The following ZBBX variants were observed in gnomAD, a reference collection of about 807,000 sequenced individuals.
ZBBX encodes the protein zinc finger B-box domain containing, also known as zinc finger B-box domain-containing protein 1.
In ZBBX, 101 loss-of-function variants were observed where a neutral mutation model predicts 108.5. The observed-to-expected ratio is 0.93, with a 90% confidence interval of 0.79 to 1.10. The LOEUF is 1.10. ZBBX is among the 50% of genes least tolerant of loss of function. The pLI is 0.00. For synonymous variants in ZBBX, 356 were observed against 323.4 expected (o/e 1.10, Z -1.08); for missense variants, 1,009 against 941.4 (o/e 1.07, Z -0.94).
the ZBBX span, among the ~76,000 whole-genome samples, chr3:167,179,765 G>C: frequency 6.6e-6 from 1 of 152,194 alleles, no homozygotes; most frequent in African/African-American, 2.4e-5. Context: ...AGACCCATCT[G>C]TGAAGACATT....
At chr3:167,384,080 C>T (rs1393687741), upstream of ZBBX, among the ~76,000 whole-genome samples, 1 of 152,076 alleles carries the variant, frequency 6.6e-6, no homozygotes, top group Non-Finnish European at 1.5e-5. Flanking sequence ...CTTCTCTCCT[C>T]TTAATACCCT....
the ZBBX span, among the ~76,000 whole-genome samples, chr3:167,226,851 TAG>T: frequency 6.6e-6 from 1 of 151,672 alleles, no homozygotes; most frequent in Non-Finnish European, 1.5e-5. Flanking sequence ...GTCAGAAGTT[TAG>T]AGAGTATGTA....
At chr3:167,204,746 G>C in the ZBBX span, among the ~76,000 whole-genome samples, 1 of 151,676 alleles carries the variant, frequency 6.6e-6, no homozygotes, top group Non-Finnish European at 1.5e-5. Context: ...TACTCATTTG[G>C]GTATATACCC....
At position 167,365,875 on chromosome 3, in the gene ZBBX, T is replaced by C. The variant is rs1577099800; in HGVS notation, c.273+11A>G. 4 of 1,583,610 alleles carry C rather than the reference T, an allele frequency of 2.5e-6. No homozygotes were observed. The East Asian group carries it at 9.0e-5, about 36-fold the overall frequency. ...AGCAAAATGCATAAGAATCAAATAG[T>C]ATCTTCTTACCTTAACAACATTTCC... is the stretch of plus-strand genomic sequence containing the variant. On this transcript the variant is annotated intron_variant, in intron 6 of 21. Transcript: ENST00000675490.
At chr3:167,395,215 G>A (rs1748192254) in intron 1 of ZBBX, among the ~76,000 whole-genome samples, 1 of 152,012 alleles carries the variant, frequency 6.6e-6, no homozygotes, top group Non-Finnish European at 1.5e-5. Context: ...AACTAGATGG[G>A]TGTTTCCTTT....
chr3:167,223,366 T>C, the ZBBX span, among the ~76,000 whole-genome samples: 1 of 152,028 alleles, frequency 6.6e-6, no homozygotes, highest in African/African-American at 2.4e-5. Flanking sequence ...GAAAATGTTT[T>C]TGTTTCTTTC....
intron 20 of ZBBX, among the ~76,000 whole-genome samples, chr3:167,271,892 A>G (rs2108475361): frequency 6.6e-6 from 1 of 152,320 alleles, no homozygotes; most frequent in South Asian, 2.1e-4. Context: ...ATAATGTAGT[A>G]AAAGCACTAA....
chr3:167,191,934 T>TATATATATATATAG, the ZBBX span, among the ~76,000 whole-genome samples: 5 of 130,222 alleles, frequency 3.8e-5, no homozygotes, highest in Non-Finnish European at 6.3e-5. Context: ...TATATATATA[T>TATATATATATATAG]AGAGCAAGTT....
At chr3:167,300,702 C>T (rs985954410) in intron 17 of ZBBX, among the ~76,000 whole-genome samples, 2 of 151,416 alleles carry the variant, frequency 1.3e-5, no homozygotes, top group South Asian at 2.1e-4. Context: ...CTCCGCCTCC[C>T]GGGTTCAATC....
At chr3:167,195,693 G>A in the ZBBX span, among the ~76,000 whole-genome samples, 1 of 152,140 alleles carries the variant, frequency 6.6e-6, no homozygotes, top group Non-Finnish European at 1.5e-5. Context: ...TGTATATGCT[G>A]TTAAAATTGA....
intron 20 of ZBBX, among the ~76,000 whole-genome samples, chr3:167,265,144 A>G (rs1405062549): frequency 6.6e-6 from 1 of 152,036 alleles, no homozygotes; most frequent in Non-Finnish European, 1.5e-5. Flanking sequence ...GCAAAATGCA[A>G]TTTTTCATCA....
chr3:167,245,292 G>T (rs1197796297), intron 20 of ZBBX, among the ~76,000 whole-genome samples: 1 of 152,168 alleles, frequency 6.6e-6, no homozygotes, highest in Non-Finnish European at 1.5e-5. Flanking sequence ...GGACCCGGGA[G>T]GCGGAGCTTG....
chr3:167,242,701 C>T, intron 20 of ZBBX, 58 bp from the exon 21 acceptor site: 2 of 1,497,660 alleles, frequency 1.3e-6, no homozygotes, highest in Non-Finnish European at 1.8e-6. Context: ...AAATATACAG[C>T]ATATGGTGCT....
At chr3:167,198,434 A>T in the ZBBX span, among the ~76,000 whole-genome samples, 1 of 152,164 alleles carries the variant, frequency 6.6e-6, no homozygotes, top group Non-Finnish European at 1.5e-5. Flanking sequence ...AGTATGGCAG[A>T]GACAAGAAAA....
intron 9 of ZBBX, among the ~76,000 whole-genome samples, chr3:167,348,287 G>GA (rs1437672782): frequency 5.7e-5 from 7 of 123,738 alleles, no homozygotes; most frequent in South Asian, 2.7e-4. Flanking sequence ...AGGAAGGAAG[G>GA]AAGGAAAGAA....
At chr3:167,370,517 T>C (rs776016396) in intron 4 of ZBBX, among the ~76,000 whole-genome samples, 2 of 152,146 alleles carry the variant, frequency 1.3e-5, no homozygotes, top group South Asian at 2.1e-4. Flanking sequence ...AAAAAACAAA[T>C]ATGATTGTGT....
the ZBBX span, among the ~76,000 whole-genome samples, chr3:167,210,878 T>A: frequency 6.6e-6 from 1 of 152,216 alleles, no homozygotes; most frequent in Non-Finnish European, 1.5e-5. Context: ...AGCTGACAGA[T>A]TTCATCAACT....
intron 2 of ZBBX, among the ~76,000 whole-genome samples, chr3:167,374,232 A>G (rs1209296753): frequency 6.6e-6 from 1 of 152,166 alleles, no homozygotes; most frequent in East Asian, 1.9e-4. Flanking sequence ...AGAAAATTTT[A>G]ATGATACTCT....
At chr3:167,182,567 A>G in the ZBBX span, among the ~76,000 whole-genome samples, 1 of 152,192 alleles carries the variant, frequency 6.6e-6, no homozygotes, top group Non-Finnish European at 1.5e-5. Flanking sequence ...CTGCATGACC[A>G]CTTTTGCATC....
Sources: gnomAD v4.1 joint callset for allele counts (sites outside exome capture counted in the v4.1 genomes callset) on GRCh38, gnomAD v4.1.1 for gene constraint, MANE v1.5 for transcripts, NCBI Gene and HGNC (gene_info 2026-07-23, HGNC 2026-07-21) for gene names.